The following STIL variants were observed in gnomAD, a reference collection of about 807,000 sequenced individuals.
The protein encoded by STIL is SCL-interrupting locus protein.
Under a neutral mutation model 110.1 loss-of-function variants are expected in STIL, and 55 were observed. That is an observed-to-expected ratio of 0.50 (90% CI 0.40 to 0.63). The LOEUF (loss-of-function observed/expected upper bound fraction) is 0.63. Among genes scored for constraint, STIL ranks in the 20% least tolerant of loss-of-function variants. The pLI is 0.00. For synonymous variants in STIL, 481 were observed against 530.0 expected (o/e 0.91, Z 1.27); for missense variants, 1,358 against 1,530.0 (o/e 0.89, Z 1.87).
chr1:47,252,928 A>T (rs1299425795), intron 16 of STIL, among the ~76,000 whole-genome samples: 1 of 147,454 alleles, frequency 6.8e-6, no homozygotes, highest in Non-Finnish European at 1.5e-5. Context: ...ATAGCTGCTA[A>T]TTTTTTTTTT....
Position 47,251,576 on chromosome 1 carries a change from G to A in STIL, c.3427C>T (p.Pro1143Ser). The change falls in exon 17 of 17, where the codon CCC becomes TCC. Residue 1143 changes from proline to serine, a missense_variant. Transcript: ENST00000371877. The part of the protein sequence containing the change: ...SDNSEDEEEP[P>S]DNADSKSEYL... ...TCACTCTTGCTATCTGCATTGTCGGGAGGTTCCTCTTCATCTTCACTATTG... is the reference window on the plus strand; with the variant it reads ...TCACTCTTGCTATCTGCATTGTCGGAAGGTTCCTCTTCATCTTCACTATTG... The A allele has an allele frequency of 6.2e-7, 1 of 1,613,816 alleles. No homozygotes were observed. Among genetic ancestry groups the A allele is most frequent in the South Asian group, 1.1e-5 (1 of 91,046 alleles).
intron 16 of STIL, among the ~76,000 whole-genome samples, chr1:47,257,569 AAACTTT>A (rs369963102): frequency 2.1e-3 from 324 of 152,356 alleles, no homozygotes; most frequent in African/African-American, 7.5e-3. Flanking sequence ...ATAACTTTCA[AAACTTT>A]AAGATATTTT....
At chr1:47,301,858 A>G (rs538159590) in intron 4 of STIL, 110 bp from the exon 5 acceptor site, 2 of 981,110 alleles carry the variant, frequency 2.0e-6, no homozygotes, top group South Asian at 1.4e-5. Flanking sequence ...ATAGTACACT[A>G]AACTCTTAAA....
rs888131235 is a variant in STIL, at chr1:47,250,839, A to G, written c.*297T>C. On this transcript the variant is annotated 3_prime_UTR_variant, in exon 17 of 17. Transcript: ENST00000371877. ...GTCTCAAAAAAAAAAGTACAGTATA[A>G]AAGAGCAGTTGAGACTTAGAGCTGG... 2 of 313,638 alleles carry G rather than the reference A, an allele frequency of 6.4e-6. 1 individual carries two copies. The highest frequency in any genetic ancestry group is 1.4e-4 in the South Asian group (2 of 14,154). 19.4% of individuals were successfully genotyped at this position (313,638 alleles called of 1,614,324 possible).
At chr1:47,287,526 A>G (rs1645338996) in intron 10 of STIL, 25 bp downstream of exon 10, 3 of 1,452,432 alleles carry the variant, frequency 2.1e-6, no homozygotes, top group Middle Eastern at 4.2e-4. Flanking sequence ...AAAAACACAC[A>G]CATAATAACA....
rs1201898200 is a variant in STIL, at chr1:47,300,095, G to C, written c.511C>G (p.Leu171Val). ...DSLDCGKLLS[L>V]RVHITSRESL... ...TCCCTGGAAGTGATATGAACTCTTA[G>C]GGAAAGCAGCTTACCACAGTCCAAG... The change falls in exon 6 of 17, where the codon CTA (leucine) becomes GTA (valine). Residue 171 changes from leucine to valine, a missense_variant. Transcript: ENST00000371877. 6.2e-7 allele frequency: 1 copy of C among 1,614,074 alleles called. No homozygotes were observed. Among genetic ancestry groups the C allele is most frequent in the Non-Finnish European group, 8.5e-7 (1 of 1,180,000 alleles).
At chr1:47,289,197 GTTATTCTGTGAGT>G (rs1645404351) in intron 9 of STIL, among the ~76,000 whole-genome samples, 1 of 151,882 alleles carries the variant, frequency 6.6e-6, no homozygotes, top group Non-Finnish European at 1.5e-5. Flanking sequence ...ACATGGGCAA[GTTATTCTGTGAGT>G]AACCTCTGGT....
At chr1:47,295,975 C>T in intron 6 of STIL, 127 bp from the exon 7 acceptor site, 1 of 687,754 alleles carries the variant, frequency 1.5e-6, no homozygotes. Flanking sequence ...CTTGCACACA[C>T]AAAAGAAACA....
At position 47,250,845 on chromosome 1, in the gene STIL, C is replaced by G; in HGVS notation, c.*291G>C. ...AAAAAAAAAGTACAGTATAAAAGAG[C>G]AGTTGAGACTTAGAGCTGGATAGTA... is the stretch of plus-strand genomic sequence containing the variant. On this transcript the variant is annotated 3_prime_UTR_variant, in exon 17 of 17. Coordinates refer to ENST00000371877, the MANE Select transcript of STIL (RefSeq NM_001048166.1). 3.1e-6 allele frequency: 1 copy of G among 321,366 alleles called. No individual in the cohort carries two copies. The highest frequency in any genetic ancestry group is 7.0e-5 in the South Asian group (1 of 14,268). 19.9% of individuals were successfully genotyped at this position (321,366 alleles called of 1,614,324 possible). A position where few individuals can be genotyped will look rare whatever the true frequency, so the allele number is the denominator to read the frequency against.
chr1:47,310,309 A>T lies in STIL; in HGVS notation c.11T>A (p.Ile4Lys). The T allele has an allele frequency of 6.2e-7, 1 of 1,613,136 alleles. No individual in the cohort carries two copies. Residue 4 changes from isoleucine (I) to lysine (K), a missense_variant, in exon 2 of 17, where the codon ATA becomes AAA. Coordinates refer to ENST00000371877, the MANE Select transcript of STIL (RefSeq NM_001048166.1). ...CATCTGGGGCCGTGCAAAAGGATATATAGGCTCCATGATGTCTGGTGAATG... is the reference window on the plus strand; with the variant it reads ...CATCTGGGGCCGTGCAAAAGGATATTTAGGCTCCATGATGTCTGGTGAATG... MEPIYPFARPQMNT... is the reference protein window; with the variant it reads MEPKYPFARPQMNT...
chr1:47,281,901 TATA>T (rs1645165853), intron 11 of STIL, among the ~76,000 whole-genome samples: 1 of 152,114 alleles, frequency 6.6e-6, no homozygotes, highest in African/African-American at 2.4e-5. Flanking sequence ...TGAAAGCAAG[TATA>T]ATGTTTTCTC....
At position 47,280,966 on chromosome 1, in the gene STIL, C is replaced by T. The variant is rs758928026; in HGVS notation, c.1492G>A (p.Ala498Thr). Reference sequence around the variant, plus strand: ...CTTACTTTGCAGTGTCTCAAAAGAGCTGGTTTATCCTGGTTTAACTGATTT... The same window carrying T: ...CTTACTTTGCAGTGTCTCAAAAGAGTTGGTTTATCCTGGTTTAACTGATTT... ...IPNQLNQDKPALLRHCKVRQP... is the reference protein window; with the variant it reads ...IPNQLNQDKPTLLRHCKVRQP... The change falls in exon 12 of 17, where the codon GCT becomes ACT. Residue 498 changes from alanine to threonine, a missense_variant. Transcript: ENST00000371877. 6.2e-7 allele frequency: 1 copy of T among 1,613,784 alleles called. No homozygotes were observed. The highest frequency in any genetic ancestry group is 1.1e-5 in the South Asian group (1 of 91,018).
chr1:47,262,069 T>C (rs944973739), intron 15 of STIL, among the ~76,000 whole-genome samples: 7 of 152,224 alleles, frequency 4.6e-5, no homozygotes, highest in African/African-American at 1.4e-4. Context: ...AGGCTCCTTT[T>C]CTTCTCACTT....
At chr1:47,278,498 T>A (rs984754576) in intron 12 of STIL, among the ~76,000 whole-genome samples, 1 of 152,144 alleles carries the variant, frequency 6.6e-6, no homozygotes, top group Non-Finnish European at 1.5e-5. Context: ...ATATTTTAAG[T>A]ATACAAATTC....
At chr1:47,255,949 C>G (rs1408675785) in intron 16 of STIL, among the ~76,000 whole-genome samples, 2 of 152,290 alleles carry the variant, frequency 1.3e-5, no homozygotes, top group Middle Eastern at 3.4e-3. Flanking sequence ...AGAACTGGAA[C>G]ATGAAATGAG....
rs10713698 is a variant in STIL at position 47,267,667 on chromosome 1, T to TAAA, written c.2615+1965_2615+1967dup. On this transcript the variant is annotated intron_variant, in intron 14 of 16. Coordinates refer to ENST00000371877, the MANE Select transcript of STIL (RefSeq NM_001048166.1). ...CAGCCAGGGCGACAGAGCGAGTATC[T>TAAA]AAAAAAAAAAAAAAAAAAAAAAATT... Among the ~76,000 whole-genome samples, 72 of 110,616 alleles carry TAAA rather than the reference T, an allele frequency of 6.5e-4. 1 individual carries two copies. Among genetic ancestry groups the TAAA allele is most frequent in the East Asian group, 5.0e-3 (18 of 3,608 alleles). 72.6% of individuals were successfully genotyped at this position (110,616 alleles called of 152,430 possible).
intron 12 of STIL, among the ~76,000 whole-genome samples, chr1:47,274,182 T>G (rs564454456): frequency 7.9e-5 from 12 of 152,296 alleles, no homozygotes; most frequent in African/African-American, 2.9e-4. Context: ...AAGTGAAGTG[T>G]AGAGAAATCA....
intron 9 of STIL, 108 bp downstream of exon 9, chr1:47,289,327 C>A: frequency 1.3e-6 from 1 of 743,134 alleles, no homozygotes; most frequent in Non-Finnish European, 2.2e-6. Context: ...GTAAACAAAG[C>A]ATAATAGTTT....
chr1:47,264,847 G>C (rs527283811), intron 14 of STIL, among the ~76,000 whole-genome samples: 48 of 149,126 alleles, frequency 3.2e-4, no homozygotes, highest in Middle Eastern at 7.0e-3. Flanking sequence ...CTAGTTATGT[G>C]TTGGGATCGA....
Sources: gnomAD v4.1 joint callset for allele counts (sites outside exome capture counted in the v4.1 genomes callset) on GRCh38, gnomAD v4.1.1 for gene constraint, MANE v1.5 for transcripts, NCBI Gene and HGNC (gene_info 2026-07-23, HGNC 2026-07-21) for gene names.